Variants in RBFOX2 observed in about 807,000 individuals in gnomAD.
RBFOX2 encodes RNA binding fox-1 homolog 2.
In RBFOX2, 10 loss-of-function variants were observed where a neutral mutation model predicts 49.1. The observed-to-expected ratio is 0.20, with a 90% confidence interval of 0.13 to 0.35. The LOEUF (loss-of-function observed/expected upper bound fraction) is 0.35, where lower values mean the gene tolerates loss of function less well. Ranked by LOEUF, RBFOX2 falls within the 10% of genes least tolerant of loss-of-function variation. RBFOX2 has a pLI of 1.00. For synonymous variants in RBFOX2, 183 were observed against 187.4 expected, an observed-to-expected ratio of 0.98 and a Z score of 0.19; for missense variants, 323 against 486.9, an observed-to-expected ratio of 0.66 and a Z score of 3.17.
intron 1 of RBFOX2, among the ~76,000 whole-genome samples, chr22:35,847,060 A>G (rs1342356188): frequency 2.0e-5 from 3 of 152,222 alleles, no homozygotes; most frequent in Admixed American, 2.0e-4. Flanking sequence ...GTCTATAAGA[A>G]TAACTTCAGG....
At chr22:35,899,178 A>ATAACATAACATAAC (rs1556357853) in intron 1 of RBFOX2, among the ~76,000 whole-genome samples, 1 of 133,406 alleles carries the variant, frequency 7.5e-6, no homozygotes, top group South Asian at 2.4e-4. Flanking sequence ...ATAACATAAC[A>ATAACATAACATAAC]AACATAAAAA....
chr22:35,879,309 T>C lies in RBFOX2; in HGVS notation c.-34+59538A>G, dbSNP rs565073922. 7.9e-5 allele frequency among the ~76,000 whole-genome samples: 12 copies of C among 152,356 alleles called. No homozygotes were observed. In the South Asian group the frequency reaches 2.3e-3, roughly 29 times the overall value. ...CGTACTGGATATGTACAGTCTTTTT[T>C]TCCTTGTCACCGTAAATCGTGTTCC... On this transcript the variant is annotated intron_variant, in intron 1 of 13. Coordinates refer to the RBFOX2 transcript ENST00000359369.
At chr22:35,774,448 C>T (rs932390465) in intron 4 of RBFOX2, among the ~76,000 whole-genome samples, 1 of 152,016 alleles carries the variant, frequency 6.6e-6, no homozygotes, top group Non-Finnish European at 1.5e-5. Context: ...TTTTAAAAGC[C>T]TAGTCTATCT....
intron 2 of RBFOX2, among the ~76,000 whole-genome samples, chr22:35,799,420 G>C (rs577425961): frequency 2.6e-5 from 4 of 152,276 alleles, no homozygotes; most frequent in Admixed American, 1.3e-4. Flanking sequence ...CTCATCTTAA[G>C]AGCAGAAGCT....
At chr22:35,948,118 A>C (rs2054517540) in intron 1 of RBFOX2, among the ~76,000 whole-genome samples, 1 of 152,168 alleles carries the variant, frequency 6.6e-6, no homozygotes, top group Admixed American at 6.5e-5. Context: ...CATTAGATAC[A>C]TGTTTCCATG....
chr22:35,895,457 CTT>C (rs2047728477), intron 1 of RBFOX2, among the ~76,000 whole-genome samples: 1 of 152,204 alleles, frequency 6.6e-6, no homozygotes, highest in Admixed American at 6.5e-5. Flanking sequence ...GCCCACATTC[CTT>C]TCTCACAATG....
intron 1 of RBFOX2, among the ~76,000 whole-genome samples, chr22:35,832,458 T>C (rs1956978200): frequency 6.6e-6 from 1 of 152,162 alleles, no homozygotes; most frequent in Non-Finnish European, 1.5e-5. Flanking sequence ...TTAATACTCA[T>C]AACTGTAGAA....
intron 2 of RBFOX2, among the ~76,000 whole-genome samples, chr22:35,787,868 G>A (rs1326340580): frequency 6.6e-6 from 1 of 152,148 alleles, no homozygotes; most frequent in Non-Finnish European, 1.5e-5. Context: ...AACAGAAGAG[G>A]CTGGATGGAG....
intron 1 of RBFOX2, among the ~76,000 whole-genome samples, chr22:36,018,824 G>C (rs911862084): frequency 9.2e-5 from 14 of 152,082 alleles, no homozygotes; most frequent in Non-Finnish European, 7.4e-5. Flanking sequence ...ATGTTGGCCA[G>C]GCTGGTCTCG....
At chr22:35,786,336 C>T (rs1157040291) in intron 2 of RBFOX2, among the ~76,000 whole-genome samples, 6 of 152,154 alleles carry the variant, frequency 3.9e-5, no homozygotes, top group Non-Finnish European at 8.8e-5. Flanking sequence ...AATTCTAAGT[C>T]GATCTGCCAT....
At chr22:35,858,774 C>T (rs565354973) in intron 1 of RBFOX2, among the ~76,000 whole-genome samples, 1 of 146,832 alleles carries the variant, frequency 6.8e-6, no homozygotes, top group East Asian at 2.0e-4. Flanking sequence ...GGCAGTGAAC[C>T]GAGATCGTGC....
At chr22:36,017,159 C>A (rs1037970086) in intron 1 of RBFOX2, among the ~76,000 whole-genome samples, 1 of 152,190 alleles carries the variant, frequency 6.6e-6, no homozygotes, top group Non-Finnish European at 1.5e-5. Flanking sequence ...TATTTTCAAA[C>A]ATATCCAATA....
intron 1 of RBFOX2, among the ~76,000 whole-genome samples, chr22:35,830,735 T>C (rs1444559140): frequency 6.6e-6 from 1 of 152,210 alleles, no homozygotes; most frequent in Non-Finnish European, 1.5e-5. Flanking sequence ...CTATTGTGTA[T>C]GCAGTCTGTC....
rs2048142052 is a variant in RBFOX2 at position 35,898,423 on chromosome 22, T to C, written c.-34+40424A>G. 5 of 389,234 alleles carry C rather than the reference T, an allele frequency of 1.3e-5. No homozygotes were observed. In the East Asian group the frequency reaches 2.2e-4, roughly 17 times the overall value. The allele number at this position is 389,234 out of a possible 1,614,324, so 24.1% of individuals were successfully genotyped here. Reference sequence around the variant, plus strand: ...CCGCCATCTTCTCCCACAATCCTTTTTTTTTTTTTTTTTTTTTTCTGAGAC... The same window carrying C: ...CCGCCATCTTCTCCCACAATCCTTTCTTTTTTTTTTTTTTTTTTCTGAGAC... On this transcript the variant is annotated intron_variant, in intron 1 of 13. Coordinates refer to the RBFOX2 transcript ENST00000359369.
At position 35,822,605 on chromosome 22, in the gene RBFOX2, A is replaced by T. The variant is rs564083721; in HGVS notation, c.28-12601T>A. Among the ~76,000 whole-genome samples the T allele has an allele frequency of 3.9e-5, 6 of 152,224 alleles. No homozygotes were observed. In the East Asian group the frequency reaches 9.6e-4, roughly 24 times the overall value. ...CTTTGGAATTAAAATTCTAATGGGA[A>T]CTCAGTATAAGACAGAGAAGAGCAT... On this transcript the variant is annotated intron_variant, in intron 1 of 11. Coordinates refer to ENST00000405409, the Ensembl canonical transcript of RBFOX2.
intron 1 of RBFOX2, among the ~76,000 whole-genome samples, chr22:36,001,834 C>T (rs1603464781): frequency 6.6e-6 from 1 of 151,906 alleles, no homozygotes; most frequent in Non-Finnish European, 1.5e-5. Flanking sequence ...GAGGCCAAGG[C>T]GGGCGGATCA....
At chr22:36,016,151 A>T (rs2059025576) in intron 1 of RBFOX2, among the ~76,000 whole-genome samples, 1 of 152,140 alleles carries the variant, frequency 6.6e-6, no homozygotes, top group Non-Finnish European at 1.5e-5. Context: ...GGCTGGCAAC[A>T]ATTAAGGCCC....
At chr22:35,841,146 C>A (rs1213712297), upstream of RBFOX2, among the ~76,000 whole-genome samples, 1 of 152,178 alleles carries the variant, frequency 6.6e-6, no homozygotes, top group Non-Finnish European at 1.5e-5. Flanking sequence ...AAGGTGCATG[C>A]AAATTTGCTT....
chr22:35,779,489 G>A (rs987070781), intron 3 of RBFOX2, among the ~76,000 whole-genome samples: 1 of 152,152 alleles, frequency 6.6e-6, no homozygotes, highest in African/African-American at 2.4e-5. Context: ...TCTTGGTTTG[G>A]TTTAATAGAA....
Sources: allele counts gnomAD v4.1 joint callset (sites outside exome capture counted in the v4.1 genomes callset), GRCh38; gene constraint gnomAD v4.1.1; transcripts MANE v1.5; gene names NCBI Gene and HGNC (gene_info 2026-07-23, HGNC 2026-07-21).